DLG2: variants seen among roughly 807,000 people sequenced by gnomAD.
DLG2 encodes the protein disks large homolog 2.
In DLG2, 45 loss-of-function variants were observed where a neutral mutation model predicts 132.5. The ratio of observed to expected loss-of-function variants is 0.34; its 90% CI spans 0.27 to 0.44. The LOEUF (loss-of-function observed/expected upper bound fraction) is 0.44, where lower values mean the gene tolerates loss of function less well. Ranked by LOEUF, DLG2 falls within the 20% of genes least tolerant of loss-of-function variation. The pLI is 1.00. For missense variants in DLG2, 1,045 were observed against 1,196.9 expected (o/e 0.87, Z 1.87); for synonymous variants, 424 against 419.6 (o/e 1.01, Z -0.13).
At chr11:84,578,372 G>C (rs891846740) in intron 6 of DLG2, among the ~76,000 whole-genome samples, 1 of 152,120 alleles carries the variant, frequency 6.6e-6, no homozygotes, top group Non-Finnish European at 1.5e-5. Flanking sequence ...TGCCAGCCAT[G>C]AAAGCAGCCA....
At chr11:83,788,117 T>C (rs2040509181) in intron 17 of DLG2, among the ~76,000 whole-genome samples, 1 of 152,222 alleles carries the variant, frequency 6.6e-6, no homozygotes, top group Non-Finnish European at 1.5e-5. Flanking sequence ...AAGAACTGAT[T>C]AGCTTATACA....
At chr11:85,061,537 G>A (rs1162117314) in intron 6 of DLG2, among the ~76,000 whole-genome samples, 1 of 151,600 alleles carries the variant, frequency 6.6e-6, no homozygotes, top group Non-Finnish European at 1.5e-5. Context: ...GTCAGTCAAG[G>A]CTCAAAAAAA....
chr11:84,631,740 G>A (rs1453039300), intron 6 of DLG2, among the ~76,000 whole-genome samples: 1 of 152,052 alleles, frequency 6.6e-6, no homozygotes, highest in Non-Finnish European at 1.5e-5. Flanking sequence ...TTTTAAAATG[G>A]GTGGCAAGGA....
At chr11:84,715,960 AT>A (rs2061173298) in intron 6 of DLG2, among the ~76,000 whole-genome samples, 2 of 152,100 alleles carry the variant, frequency 1.3e-5, no homozygotes, top group South Asian at 4.1e-4. Flanking sequence ...TGGTAATTCT[AT>A]TTGTAATACA....
chr11:85,489,831 T>A (rs1421077853), intron 3 of DLG2, among the ~76,000 whole-genome samples: 1 of 151,810 alleles, frequency 6.6e-6, no homozygotes, highest in Admixed American at 6.6e-5. Flanking sequence ...TGTCAACAAA[T>A]AAATTATGAA....
intron 7 of DLG2, among the ~76,000 whole-genome samples, chr11:84,478,728 A>G (rs1215107782): frequency 6.6e-6 from 1 of 152,130 alleles, no homozygotes; most frequent in Non-Finnish European, 1.5e-5. Flanking sequence ...TCTTTAAAAC[A>G]CAGTTATATA....
intron 7 of DLG2, among the ~76,000 whole-genome samples, chr11:84,516,135 A>G (rs946108440): frequency 6.6e-6 from 1 of 151,380 alleles, no homozygotes; most frequent in Non-Finnish European, 1.5e-5. Flanking sequence ...TCAAAAAAAA[A>G]GATCTCAAAT....
intron 4 of DLG2, among the ~76,000 whole-genome samples, chr11:85,177,931 T>C (rs2079415955): frequency 6.6e-6 from 1 of 152,056 alleles, no homozygotes; most frequent in South Asian, 2.1e-4. Context: ...AATTAAAGGC[T>C]ATTTTACAAA....
chr11:83,552,067 T>C (rs1276552702), intron 19 of DLG2, among the ~76,000 whole-genome samples: 1 of 152,164 alleles, frequency 6.6e-6, no homozygotes, highest in Non-Finnish European at 1.5e-5. Flanking sequence ...TAAAAACAGA[T>C]AAAAATTCCT....
At chr11:83,750,264 G>T (rs2093215776) in intron 18 of DLG2, among the ~76,000 whole-genome samples, 1 of 151,992 alleles carries the variant, frequency 6.6e-6, no homozygotes, top group African/African-American at 2.4e-5. Context: ...AGTCCCTCTG[G>T]CAGTTTAGTT....
At chr11:85,121,786 G>C (rs1032952189) in intron 5 of DLG2, among the ~76,000 whole-genome samples, 1 of 152,060 alleles carries the variant, frequency 6.6e-6, no homozygotes, top group Non-Finnish European at 1.5e-5. Context: ...TTCTCCATCA[G>C]AGTACAAAGA....
intron 7 of DLG2, among the ~76,000 whole-genome samples, chr11:84,502,042 C>A (rs775195946): frequency 1.3e-5 from 2 of 151,898 alleles, no homozygotes; most frequent in Admixed American, 1.3e-4. Context: ...TTTTCTTTGC[C>A]TTTCTTTTCT....
intron 18 of DLG2, among the ~76,000 whole-genome samples, chr11:83,777,847 C>A (rs764293683): frequency 5.3e-5 from 8 of 152,076 alleles, no homozygotes; most frequent in Non-Finnish European, 1.0e-4. Context: ...TATTTGATGG[C>A]ATGTTTTAAT....
At chr11:83,742,959 C>T (rs1566787507) in intron 18 of DLG2, among the ~76,000 whole-genome samples, 1 of 152,116 alleles carries the variant, frequency 6.6e-6, no homozygotes, top group Non-Finnish European at 1.5e-5. Context: ...GTGAGAAAGA[C>T]AACACAGGAA....
intron 3 of DLG2, among the ~76,000 whole-genome samples, chr11:85,548,147 C>T (rs1425259484): frequency 1.3e-5 from 2 of 152,152 alleles, no homozygotes; most frequent in Non-Finnish European, 2.9e-5. Context: ...TCTTTGAAGT[C>T]GGTGATCTTT....
chr11:84,043,428 T>C (rs1239048356), intron 11 of DLG2, among the ~76,000 whole-genome samples: 1 of 151,746 alleles, frequency 6.6e-6, no homozygotes, highest in Non-Finnish European at 1.5e-5. Flanking sequence ...GCAGGTTTGT[T>C]ATATACGTAA....
rs1336527558 is a variant in DLG2 at position 85,333,811 on chromosome 11, G to A, written c.41-48446C>T. Among the ~76,000 whole-genome samples the A allele has an allele frequency of 2.0e-5, 3 of 152,080 alleles. No individual in the cohort carries two copies. In the East Asian group the frequency reaches 5.8e-4, roughly 29 times the overall value. ...TTGTGGTGGATTTGAATTTTGATGT[G>A]CTGCTGGATTCAGTTTGCTAGTATT... On this transcript the variant is annotated intron_variant, in intron 3 of 27. Transcript: ENST00000376104.
At chr11:84,606,825 C>G (rs1322184310) in intron 6 of DLG2, among the ~76,000 whole-genome samples, 1 of 152,132 alleles carries the variant, frequency 6.6e-6, no homozygotes, top group Non-Finnish European at 1.5e-5. Flanking sequence ...GCTCCTCTTT[C>G]TACCTGGTGG....
At chr11:84,472,741 G>T (rs188357812) in intron 7 of DLG2, among the ~76,000 whole-genome samples, 1 of 151,870 alleles carries the variant, frequency 6.6e-6, no homozygotes, top group African/African-American at 2.4e-5. Context: ...ACTTAATCAA[G>T]GGCAGGTTGT....
Sources: allele counts gnomAD v4.1 joint callset (sites outside exome capture counted in the v4.1 genomes callset), GRCh38; gene constraint gnomAD v4.1.1; transcripts MANE v1.5; gene names NCBI Gene and HGNC (gene_info 2026-07-23, HGNC 2026-07-21).